The following ANKHD1 variants were observed in gnomAD, a reference collection of about 807,000 sequenced individuals.
The protein encoded by ANKHD1 is ankyrin repeat and KH domain-containing protein 1.
A neutral mutation model predicts 230.5 loss-of-function variants in ANKHD1; 31 were observed. The observed-to-expected ratio is 0.13, with a 90% CI of 0.10 to 0.18. ANKHD1 has a LOEUF of 0.18. Ranked by LOEUF, ANKHD1 falls within the 10% of genes least tolerant of loss-of-function variation. ANKHD1 has a pLI of 1.00. For missense variants in ANKHD1, 2,256 were observed against 3,071.3 expected (o/e 0.73, Z 6.27); for synonymous variants, 1,074 against 1,117.6 (o/e 0.96, Z 0.78).
rs372916599 is a variant in ANKHD1 at position 140,441,168 on chromosome 5, G to C, written c.913+26G>C. ...GTATGTAGAAAATGATGTATTAATT[G>C]GGAGAAAAAATTGACATAATTATTA... On this transcript the variant is annotated intron_variant, in intron 5 of 33. Coordinates refer to ENST00000360839, the MANE Select transcript of ANKHD1 (RefSeq NM_017747.3). 8 of 1,497,990 alleles carry C rather than the reference G, an allele frequency of 5.3e-6. 1 individual carries two copies. Among genetic ancestry groups the C allele is most frequent in the Non-Finnish European group, 7.1e-6 (8 of 1,125,088 alleles). The allele number at this position is 1,497,990 out of a possible 1,614,324, so 92.8% of individuals were successfully genotyped here.
At chr5:140,538,397 G>T in intron 32 of ANKHD1, 136 bp downstream of exon 32, 1 of 1,403,750 alleles carries the variant, frequency 7.1e-7, no homozygotes, top group East Asian at 2.4e-5. Flanking sequence ...AATTTCAGGA[G>T]TGCACAGAGT....
intron 10 of ANKHD1, among the ~76,000 whole-genome samples, chr5:140,473,173 CGCGTGCCACCGTGCCTACCTAATTTTTT>C (rs1750762168): frequency 6.6e-6 from 1 of 151,624 alleles, no homozygotes; most frequent in Admixed American, 6.6e-5. Flanking sequence ...GGATTACAGG[CGCGTGCCACCGTGCCTACCTAATTTTTT>C]GCATCTTTAG....
At chr5:140,453,840 C>T (rs1251851454) in intron 7 of ANKHD1, among the ~76,000 whole-genome samples, 4 of 152,200 alleles carry the variant, frequency 2.6e-5, no homozygotes, top group African/African-American at 9.6e-5. Flanking sequence ...GTCAAAATGA[C>T]AGGATCAAAT....
At chr5:140,461,817 A>G (rs1405723480) in intron 9 of ANKHD1, among the ~76,000 whole-genome samples, 1 of 152,170 alleles carries the variant, frequency 6.6e-6, no homozygotes, top group Admixed American at 6.5e-5. Flanking sequence ...AAAAATTTTA[A>G]TGAGTTTCTT....
chr5:140,458,335 T>C (rs1417863318), intron 7 of ANKHD1, among the ~76,000 whole-genome samples: 1 of 152,218 alleles, frequency 6.6e-6, no homozygotes, highest in Non-Finnish European at 1.5e-5. Context: ...AATGGAAATT[T>C]AAAATTATTT....
chr5:140,457,974 T>G lies in ANKHD1; in HGVS notation c.1243-651T>G, dbSNP rs189255055. ...TTTTATTGTTAATTGACTTACTGTC[T>G]ATGCAGATAGGCCATGGTAAAAATT... On this transcript the variant is annotated intron_variant, in intron 7 of 33. Coordinates refer to ENST00000360839, the MANE Select transcript of ANKHD1 (RefSeq NM_017747.3). 6.0e-4 allele frequency among the ~76,000 whole-genome samples: 92 copies of G among 152,306 alleles called. 2 individuals carry two copies. In the East Asian group the frequency reaches 0.016, roughly 27 times the overall value.
chr5:140,501,735 C>T (rs570297798), intron 15 of ANKHD1, among the ~76,000 whole-genome samples: 3 of 149,062 alleles, frequency 2.0e-5, no homozygotes, highest in South Asian at 2.2e-4. Flanking sequence ...GGTAACAGAG[C>T]GAGACTTCAT....
At chr5:140,492,877 A>G (rs1197046941) in intron 14 of ANKHD1, among the ~76,000 whole-genome samples, 1 of 152,236 alleles carries the variant, frequency 6.6e-6, no homozygotes, top group Non-Finnish European at 1.5e-5. Flanking sequence ...ATAAAAAACT[A>G]AATATTTGGC....
intron 15 of ANKHD1, among the ~76,000 whole-genome samples, chr5:140,501,553 T>A (rs561518984): frequency 6.6e-6 from 1 of 151,812 alleles, no homozygotes; most frequent in African/African-American, 2.4e-5. Flanking sequence ...ATCGAGACCA[T>A]CCTGGCTAAC....
At chr5:140,426,670 G>C (rs535562677) in intron 1 of ANKHD1, among the ~76,000 whole-genome samples, 1 of 152,138 alleles carries the variant, frequency 6.6e-6, no homozygotes, top group African/African-American at 2.4e-5. Flanking sequence ...GCGGCCTTCC[G>C]CAGTGTTTGT....
intron 7 of ANKHD1, among the ~76,000 whole-genome samples, chr5:140,452,257 G>C (rs1581265811): frequency 1.3e-5 from 2 of 152,360 alleles, no homozygotes; most frequent in Middle Eastern, 6.8e-3. Flanking sequence ...TGCTGCTCAA[G>C]GAGGCCTACC....
rs1173434920 is a variant in ANKHD1, at chr5:140,434,513, A to G, written c.307-1591A>G. Among the ~76,000 whole-genome samples the G allele has an allele frequency of 2.0e-5, 3 of 150,984 alleles. No homozygotes were observed. In the East Asian group the frequency reaches 5.8e-4, roughly 29 times the overall value. On this transcript the variant is annotated intron_variant, in intron 1 of 33. Transcript: ENST00000360839. ...GTATATGATATACATTACATATATT[A>G]TGTAAATAATATACATACTACATAT... is the stretch of plus-strand genomic sequence containing the variant.
chr5:140,518,642 A>C (rs1382825351), intron 24 of ANKHD1, among the ~76,000 whole-genome samples: 2 of 152,180 alleles, frequency 1.3e-5, no homozygotes, highest in Admixed American at 6.5e-5. Flanking sequence ...GTATACGCAA[A>C]TCAATAAAAG....
At position 140,476,706 on chromosome 5, in the gene ANKHD1, A is replaced by G. The variant is rs185277475; in HGVS notation, c.1783-5874A>G. On this transcript the variant is annotated intron_variant, in intron 10 of 33. Coordinates refer to ENST00000360839, the MANE Select transcript of ANKHD1 (RefSeq NM_017747.3). ...AGAACTACTAAAAGATATATACATC[A>G]GTAAGAAGAAAAGTGAGTCCTGGAG... Among the ~76,000 whole-genome samples the G allele has an allele frequency of 3.9e-5, 6 of 152,312 alleles. No individual in the cohort carries two copies. The East Asian group carries it at 1.2e-3, about 29-fold the overall frequency.
intron 7 of ANKHD1, among the ~76,000 whole-genome samples, chr5:140,455,618 T>C (rs1775116392): frequency 6.6e-6 from 1 of 152,158 alleles, no homozygotes; most frequent in Non-Finnish European, 1.5e-5. Context: ...AAAAACCACA[T>C]GATTATCTCA....
At chr5:140,522,275 T>G (rs1278464522) in intron 24 of ANKHD1, among the ~76,000 whole-genome samples, 1 of 152,250 alleles carries the variant, frequency 6.6e-6, no homozygotes, top group African/African-American at 2.4e-5. Flanking sequence ...TTCATCCATG[T>G]TATAGCCAAA....
intron 24 of ANKHD1, among the ~76,000 whole-genome samples, chr5:140,523,215 C>A (rs1753440977): frequency 6.7e-6 from 1 of 148,818 alleles, no homozygotes; most frequent in African/African-American, 2.5e-5. Flanking sequence ...TGGGCACATG[C>A]AATCCTCCTG....
intron 14 of ANKHD1, among the ~76,000 whole-genome samples, chr5:140,492,973 A>C (rs1581333976): frequency 2.6e-5 from 4 of 152,300 alleles, no homozygotes; most frequent in Admixed American, 2.6e-4. Flanking sequence ...CTTCTAATAC[A>C]GATTTTTTCT....
chr5:140,472,261 C>T (rs568591806), intron 10 of ANKHD1: 1 of 1,613,236 alleles, frequency 6.2e-7, no homozygotes, highest in South Asian at 1.1e-5. Flanking sequence ...GACATGAAGA[C>T]TATTTTGGAG....
Sources: gnomAD v4.1 joint callset for allele counts (sites outside exome capture counted in the v4.1 genomes callset) on GRCh38, gnomAD v4.1.1 for gene constraint, MANE v1.5 for transcripts, NCBI Gene and HGNC (gene_info 2026-07-23, HGNC 2026-07-21) for gene names.